Variants in NYAP2 observed in about 807,000 individuals in gnomAD.
The protein encoded by NYAP2 is neuronal tyrosine-phosphorylated phosphoinositide-3-kinase adapter 2.
In NYAP2, 23 loss-of-function variants were observed where a neutral mutation model predicts 50.4. The ratio of observed to expected loss-of-function variants is 0.46; its 90% CI spans 0.33 to 0.65. The LOEUF is 0.65. NYAP2 is among the 30% of genes least tolerant of loss of function. The pLI is 0.02. For missense variants in NYAP2, 885 were observed against 861.0 expected (o/e 1.03, Z -0.35); for synonymous variants, 394 against 365.2 (o/e 1.08, Z -0.90).
upstream of NYAP2, among the ~76,000 whole-genome samples, chr2:225,399,282 A>AGG (rs1574593847): frequency 6.6e-6 from 1 of 152,032 alleles, no homozygotes; most frequent in Admixed American, 6.6e-5. Context: ...AAACATGTAC[A>AGG]TTTTAGTTTT....
chr2:225,508,597 G>A (rs1398073161), intron 3 of NYAP2, among the ~76,000 whole-genome samples: 1 of 152,160 alleles, frequency 6.6e-6, no homozygotes, highest in Non-Finnish European at 1.5e-5. Context: ...CACAATGCAG[G>A]TCTAGCACCT....
chr2:225,655,907 C>CACACACACACACACACACACATAT (rs1693814742), downstream of NYAP2, among the ~76,000 whole-genome samples: 1 of 144,738 alleles, frequency 6.9e-6, no homozygotes, highest in African/African-American at 2.6e-5. Flanking sequence ...CACACACACA[C>CACACACACACACACACACACATAT]ACACACACAC....
chr2:225,505,442 G>A (rs1021772461), intron 3 of NYAP2, among the ~76,000 whole-genome samples: 1 of 152,144 alleles, frequency 6.6e-6, no homozygotes, highest in Admixed American at 6.5e-5. Flanking sequence ...TATGAACACA[G>A]TTTAATTTTA....
chr2:225,645,683 T>A (rs1246865424), intron 6 of NYAP2, among the ~76,000 whole-genome samples: 1 of 152,188 alleles, frequency 6.6e-6, no homozygotes, highest in East Asian at 1.9e-4. Flanking sequence ...AATCTCTCAA[T>A]TAGGATTTCC....
At chr2:225,512,831 C>CTT (rs549251468) in intron 3 of NYAP2, among the ~76,000 whole-genome samples, 5,145 of 77,488 alleles carry the variant, frequency 0.066, 237 homozygotes, top group East Asian at 0.18. Flanking sequence ...CTCTCTCTCT[C>CTT]TCTCTCTTTC....
At chr2:225,615,728 C>T (rs1208813354) in intron 5 of NYAP2, among the ~76,000 whole-genome samples, 1 of 152,054 alleles carries the variant, frequency 6.6e-6, no homozygotes, top group African/African-American at 2.4e-5. Context: ...ACTGTGGATT[C>T]TGGAGCTGAT....
intron 3 of NYAP2, among the ~76,000 whole-genome samples, chr2:225,450,209 G>T (rs1255183921): frequency 6.6e-6 from 1 of 152,302 alleles, no homozygotes; most frequent in Non-Finnish European, 1.5e-5. Flanking sequence ...CAGCCTCATA[G>T]ACTGGAGTGT....
intron 3 of NYAP2, among the ~76,000 whole-genome samples, chr2:225,410,304 T>G (rs1037263322): frequency 6.6e-6 from 1 of 152,110 alleles, no homozygotes; most frequent in African/African-American, 2.4e-5. Flanking sequence ...ATTTTCACAA[T>G]TGCATGTATT....
chr2:225,509,744 T>TA (rs1243846872), intron 3 of NYAP2, among the ~76,000 whole-genome samples: 5 of 152,152 alleles, frequency 3.3e-5, no homozygotes, highest in African/African-American at 1.2e-4. Context: ...ATCGGAAACA[T>TA]AAAGTGCTCA....
intron 3 of NYAP2, among the ~76,000 whole-genome samples, chr2:225,509,572 C>T (rs1230156079): frequency 6.6e-6 from 1 of 152,166 alleles, no homozygotes; most frequent in East Asian, 1.9e-4. Context: ...CCACCATGAT[C>T]AGCTTCTTGT....
At chr2:225,504,093 A>G (rs1195640068) in intron 3 of NYAP2, among the ~76,000 whole-genome samples, 6 of 152,166 alleles carry the variant, frequency 3.9e-5, no homozygotes, top group African/African-American at 1.4e-4. Context: ...AGGGGAGGTA[A>G]ATTAACATTT....
chr2:225,664,597 G>C, the NYAP2 span, among the ~76,000 whole-genome samples: 5 of 152,046 alleles, frequency 3.3e-5, no homozygotes, highest in African/African-American at 1.2e-4. Context: ...GGCCGGGCAC[G>C]GTGGCTTATG....
At chr2:225,500,208 A>T (rs1690581034) in intron 3 of NYAP2, among the ~76,000 whole-genome samples, 1 of 152,202 alleles carries the variant, frequency 6.6e-6, no homozygotes. Flanking sequence ...CTGGGTTCAG[A>T]TTTGTCAAAA....
chr2:225,420,090 G>T lies in NYAP2; in HGVS notation c.221+10989G>T, dbSNP rs867727525. 3.9e-5 allele frequency among the ~76,000 whole-genome samples: 6 copies of T among 152,310 alleles called. No homozygotes were observed. In the South Asian group the frequency reaches 1.2e-3, roughly 32 times the overall value. The stretch of plus-strand genomic sequence containing the variant: ...CAAGAGCGGAGAAGCTGTCTCTTGT[G>T]CATAGTAGGTTATTAAACATTTGTC... On this transcript the variant is annotated intron_variant, in intron 3 of 6. Coordinates refer to ENST00000636099, the Ensembl canonical transcript of NYAP2.
the NYAP2 span, among the ~76,000 whole-genome samples, chr2:225,674,602 G>C: frequency 2.6e-5 from 4 of 152,158 alleles, no homozygotes; most frequent in East Asian, 7.8e-4. Context: ...CCTCAATCCA[G>C]AATCACCATC....
At chr2:225,602,647 T>C (rs939961301) in intron 5 of NYAP2, among the ~76,000 whole-genome samples, 2 of 152,322 alleles carry the variant, frequency 1.3e-5, no homozygotes, top group East Asian at 1.9e-4. Flanking sequence ...TTATAGGTAG[T>C]GTAAGGTAAG....
chr2:225,625,043 TAAAAAAA>T (rs386392796), intron 5 of NYAP2, among the ~76,000 whole-genome samples: 10 of 69,630 alleles, frequency 1.4e-4, no homozygotes, highest in African/African-American at 5.4e-4. Flanking sequence ...AACCCAAGCG[TAAAAAAA>T]AAAAAAAAAA....
chr2:225,534,211 A>G (rs1691308050), intron 4 of NYAP2, among the ~76,000 whole-genome samples: 1 of 152,236 alleles, frequency 6.6e-6, no homozygotes, highest in African/African-American at 2.4e-5. Flanking sequence ...AGCAGCTTCT[A>G]TAATTTATAA....
the NYAP2 span, chr2:225,699,184 T>C: frequency 6.6e-6 from 1 of 151,970 alleles, no homozygotes; most frequent in Non-Finnish European, 1.5e-5. Context: ...AGAATTTCTC[T>C]TTAGCATCCT....
Sources: allele counts gnomAD v4.1 joint callset (sites outside exome capture counted in the v4.1 genomes callset), GRCh38; gene constraint gnomAD v4.1.1; transcripts MANE v1.5; gene names NCBI Gene and HGNC (gene_info 2026-07-23, HGNC 2026-07-21).